The following ARHGAP24 variants were observed in gnomAD, a reference collection of about 807,000 sequenced individuals.
The protein encoded by ARHGAP24 is rho GTPase-activating protein 24.
Under a neutral mutation model 76.4 loss-of-function variants are expected in ARHGAP24, and 50 were observed. That is an observed-to-expected ratio of 0.65 (90% CI 0.52 to 0.83). The LOEUF is 0.83. Among genes scored for constraint, ARHGAP24 ranks in the 40% least tolerant of loss-of-function variants. The pLI is 0.00. For synonymous variants in ARHGAP24, 345 were observed against 323.3 expected, an observed-to-expected ratio of 1.07 and a Z score of -0.72; for missense variants, 930 against 914.2, an observed-to-expected ratio of 1.02 and a Z score of -0.22.
At chr4:85,774,982 A>G (rs1727258592) in intron 3 of ARHGAP24, among the ~76,000 whole-genome samples, 1 of 152,202 alleles carries the variant, frequency 6.6e-6, no homozygotes, top group Non-Finnish European at 1.5e-5. Context: ...TTAGGTTTCT[A>G]ATCTTATTTA....
intron 2 of ARHGAP24, among the ~76,000 whole-genome samples, chr4:85,667,299 A>C (rs1479530869): frequency 6.6e-6 from 1 of 152,132 alleles, no homozygotes; most frequent in African/African-American, 2.4e-5. Flanking sequence ...GGACCCTCTG[A>C]GCCAGGTGCT....
At chr4:85,823,667 G>C (rs1327217656) in intron 3 of ARHGAP24, among the ~76,000 whole-genome samples, 1 of 152,110 alleles carries the variant, frequency 6.6e-6, no homozygotes, top group Non-Finnish European at 1.5e-5. Flanking sequence ...GTTTGGGGAG[G>C]GGGTACAATT....
chr4:85,510,744 C>A (rs1724247489), intron 1 of ARHGAP24, among the ~76,000 whole-genome samples: 1 of 151,172 alleles, frequency 6.6e-6, no homozygotes, highest in Admixed American at 6.6e-5. Flanking sequence ...ACCTTCATGG[C>A]AATAAGTCTT....
chr4:85,696,217 C>T (rs990023854), intron 2 of ARHGAP24, among the ~76,000 whole-genome samples: 5 of 151,472 alleles, frequency 3.3e-5, no homozygotes, highest in Admixed American at 6.6e-5. Context: ...CTTCCTGATT[C>T]ATCATCAGCT....
At chr4:85,721,454 A>G (rs1411812654) in intron 2 of ARHGAP24, among the ~76,000 whole-genome samples, 1 of 152,042 alleles carries the variant, frequency 6.6e-6, no homozygotes, top group African/African-American at 2.4e-5. Context: ...GAAAGAGAAG[A>G]GAGAAGAGAT....
chr4:85,519,418 C>T (rs1382668047), intron 1 of ARHGAP24, among the ~76,000 whole-genome samples: 4 of 152,122 alleles, frequency 2.6e-5, no homozygotes, highest in African/African-American at 9.7e-5. Flanking sequence ...TAGCTAATGT[C>T]CTTCTCCTGA....
intron 3 of ARHGAP24, among the ~76,000 whole-genome samples, chr4:85,789,681 G>A (rs1041015432): frequency 6.6e-6 from 1 of 152,154 alleles, no homozygotes; most frequent in Non-Finnish European, 1.5e-5. Context: ...TTTGACATTC[G>A]TGGTAAACTG....
chr4:85,667,259 G>C (rs146191705), intron 2 of ARHGAP24, among the ~76,000 whole-genome samples: 136 of 152,262 alleles, frequency 8.9e-4, no homozygotes, highest in African/African-American at 3.2e-3. Context: ...AAACTGCTGT[G>C]CTAGCAATCG....
At chr4:85,939,317 A>T (rs1736823139) in intron 4 of ARHGAP24, among the ~76,000 whole-genome samples, 2 of 152,204 alleles carry the variant, frequency 1.3e-5, no homozygotes, top group Admixed American at 1.3e-4. Context: ...AGGACTCATG[A>T]CTGTGATTAA....
chr4:85,627,939 G>T (rs1721022661), intron 2 of ARHGAP24, among the ~76,000 whole-genome samples: 1 of 152,154 alleles, frequency 6.6e-6, no homozygotes, highest in Admixed American at 6.5e-5. Context: ...CGCAGTATTA[G>T]GGTGGGAGTG....
intron 3 of ARHGAP24, among the ~76,000 whole-genome samples, chr4:85,897,427 G>A (rs2148786697): frequency 6.6e-6 from 1 of 152,258 alleles, no homozygotes; most frequent in African/African-American, 2.4e-5. Context: ...ATCTGGTTCA[G>A]TCACCTGTTG....
At chr4:85,776,698 C>G (rs2110081508) in intron 3 of ARHGAP24, among the ~76,000 whole-genome samples, 1 of 152,104 alleles carries the variant, frequency 6.6e-6, no homozygotes, top group South Asian at 2.1e-4. Flanking sequence ...ATGGCTCAGC[C>G]CACTCCTGTT....
intron 3 of ARHGAP24, among the ~76,000 whole-genome samples, chr4:85,821,255 C>T (rs953968991): frequency 6.6e-6 from 1 of 152,066 alleles, no homozygotes; most frequent in African/African-American, 2.4e-5. Context: ...TAAATAGAAA[C>T]TTGTTTTCAT....
intron 6 of ARHGAP24, among the ~76,000 whole-genome samples, 164 bp from the exon 7 acceptor site, chr4:85,974,724 A>G (rs1018903483): frequency 5.3e-5 from 8 of 152,364 alleles, no homozygotes; most frequent in South Asian, 2.1e-4. Flanking sequence ...CTTTGAAAAT[A>G]TATCTAAAAT....
At chr4:85,577,986 G>A (rs763530441) in intron 2 of ARHGAP24, among the ~76,000 whole-genome samples, 2 of 152,124 alleles carry the variant, frequency 1.3e-5, no homozygotes, top group Non-Finnish European at 2.9e-5. Flanking sequence ...AGTCCAGAAA[G>A]CAGTGGTAAA....
At chr4:85,563,640 C>A (rs562965926) in intron 1 of ARHGAP24, among the ~76,000 whole-genome samples, 1 of 152,096 alleles carries the variant, frequency 6.6e-6, no homozygotes, top group Admixed American at 6.5e-5. Flanking sequence ...ACATTCAGTC[C>A]GTAACAACAA....
chr4:85,662,862 C>G (rs1282476090), intron 2 of ARHGAP24, among the ~76,000 whole-genome samples: 4 of 152,136 alleles, frequency 2.6e-5, no homozygotes, highest in East Asian at 1.9e-4. Context: ...GCTCTGTTCT[C>G]TTCCATTGAC....
rs550885018 is a variant in ARHGAP24, at chr4:85,752,494, A to G, written c.268+30522A>G. Among the ~76,000 whole-genome samples, 5 of 152,302 alleles carry G rather than the reference A, an allele frequency of 3.3e-5. No homozygotes were observed. The South Asian group carries it at 8.3e-4, about 25-fold the overall frequency. ...AAAAAAAAAACTCAAATACTGTTCC[A>G]TATTCTGACGTGGGTCTTATTAAAA... On this transcript the variant is annotated intron_variant, in intron 3 of 9. Transcript: ENST00000395184.
chr4:85,590,104 G>T (rs892927170), intron 2 of ARHGAP24, among the ~76,000 whole-genome samples: 3 of 152,138 alleles, frequency 2.0e-5, no homozygotes, highest in Non-Finnish European at 2.9e-5. Flanking sequence ...TTTAGCAAAT[G>T]ATTGTTTAAT....
Sources: gnomAD v4.1 joint callset for allele counts (sites outside exome capture counted in the v4.1 genomes callset) on GRCh38, gnomAD v4.1.1 for gene constraint, MANE v1.5 for transcripts, NCBI Gene and HGNC (gene_info 2026-07-23, HGNC 2026-07-21) for gene names.